Variants in PSMD4 observed in about 807,000 individuals in gnomAD.
PSMD4 encodes proteasome 26S subunit ubiquitin receptor, non-ATPase 4, also known as 26S proteasome non-ATPase regulatory subunit 4.
In PSMD4, 5 loss-of-function variants were observed where a neutral mutation model predicts 39.7. That is an observed-to-expected ratio of 0.13 (90% CI 0.07 to 0.26). The LOEUF (loss-of-function observed/expected upper bound fraction) is 0.26, where lower values mean the gene tolerates loss of function less well. Ranked by LOEUF, PSMD4 falls within the 10% of genes least tolerant of loss-of-function variation. The probability of loss-of-function intolerance (pLI) is 1.00; values close to 1 mark genes in which losing one functional copy is unlikely to be tolerated. For missense variants in PSMD4, 272 were observed against 486.1 expected, an observed-to-expected ratio of 0.56 and a Z score of 4.14; for synonymous variants, 143 against 174.6, an observed-to-expected ratio of 0.82 and a Z score of 1.43.
chr1:151,260,995 G>A (rs587723783), intron 1 of PSMD4, among the ~76,000 whole-genome samples: 7 of 151,578 alleles, frequency 4.6e-5, no homozygotes, highest in Admixed American at 3.3e-4. Flanking sequence ...ACAAGTGTGC[G>A]CCACCATACC....
At chr1:151,258,049 GT>G (rs1261819757) in intron 1 of PSMD4, among the ~76,000 whole-genome samples, 4 of 151,338 alleles carry the variant, frequency 2.6e-5, no homozygotes, top group Non-Finnish European at 4.4e-5. Flanking sequence ...TTGAGATGGA[GT>G]CTCGCTTTTG....
intron 1 of PSMD4, among the ~76,000 whole-genome samples, chr1:151,256,599 C>A (rs1693177560): frequency 6.6e-6 from 1 of 150,532 alleles, no homozygotes; most frequent in Non-Finnish European, 1.5e-5. Flanking sequence ...CCACCACGCC[C>A]AGCTTTTTTG....
At chr1:151,264,624 G>A (rs912896581) in intron 3 of PSMD4, among the ~76,000 whole-genome samples, 3 of 151,212 alleles carry the variant, frequency 2.0e-5, no homozygotes, top group Admixed American at 6.6e-5. Context: ...AAAAAAAAAA[G>A]AGAGAAAGAG....
chr1:151,262,242 T>C lies in PSMD4; in HGVS notation c.108T>C (p.Val36=), dbSNP rs765448205. 1 of 1,614,156 alleles carries C rather than the reference T, an allele frequency of 6.2e-7. No individual in the cohort carries two copies. Among genetic ancestry groups the C allele is most frequent in the South Asian group, 1.1e-5 (1 of 91,076 alleles). The part of the protein sequence containing the change: ...LQAQQDAVNI[V]CHSKTRSNPE... ...CCCAGCAGGATGCTGTCAACATAGT[T>C]TGTCATTCAAAGACCCGCAGCAACC... The change falls in exon 2 of 10, where the codon GTT becomes GTC. Residue 36 remains valine (V), a synonymous_variant. Transcript: ENST00000368884.
intron 1 of PSMD4, among the ~76,000 whole-genome samples, chr1:151,260,405 A>T (rs773362005): frequency 3.3e-5 from 5 of 152,156 alleles, no homozygotes; most frequent in Admixed American, 6.6e-5. Flanking sequence ...CATTAGCTGG[A>T]TACTTTTAGA....
chr1:151,267,223 C>A lies in PSMD4; in HGVS notation c.1014C>A (p.Val338=). ...AGGACCCCGAGTTCCTTCAGAGTGTCCTAGAGAACCTCCCAGGTGTGGATC... is the reference window on the plus strand; with the variant it reads ...AGGACCCCGAGTTCCTTCAGAGTGTACTAGAGAACCTCCCAGGTGTGGATC... The part of the protein sequence containing the change: ...VMQDPEFLQS[V]LENLPGVDPN... Residue 338 remains valine (V), a synonymous_variant, in exon 10 of 10, where the codon GTC becomes GTA. Transcript: ENST00000368884. 6.2e-7 allele frequency: 1 copy of A among 1,613,914 alleles called. No individual in the cohort carries two copies. The highest frequency in any genetic ancestry group is 1.3e-5 in the African/African-American group (1 of 75,016).
intron 2 of PSMD4, among the ~76,000 whole-genome samples, chr1:151,263,441 T>C (rs1693355358): frequency 1.3e-5 from 2 of 151,726 alleles, no homozygotes; most frequent in African/African-American, 4.8e-5. Context: ...CCAGCCTGGG[T>C]GACAGAGCGA....
intron 1 of PSMD4, among the ~76,000 whole-genome samples, chr1:151,261,647 T>G (rs1167666337): frequency 6.6e-6 from 1 of 152,130 alleles, no homozygotes. Flanking sequence ...AGAATCATTT[T>G]GTAAGGATTT....
intron 2 of PSMD4, chr1:151,263,014 C>G (rs1693347378): frequency 6.6e-6 from 1 of 152,132 alleles, no homozygotes; most frequent in Non-Finnish European, 1.5e-5. Context: ...AGGAGAGATA[C>G]AAATTAGCAT....
chr1:151,266,509 C>A lies in PSMD4; in HGVS notation c.896-11C>A, dbSNP rs1693453752. On this transcript the variant is annotated splice_polypyrimidine_tract_variant and intron_variant, in intron 8 of 9. Coordinates refer to ENST00000368884, the MANE Select transcript of PSMD4 (RefSeq NM_002810.4). ...GAAGTGTAACTGAACAGACTGACCT[C>A]TCTTCCTCAGAGTTTGGCCAGGCGG... 6.2e-7 allele frequency: 1 copy of A among 1,614,112 alleles called. No individual in the cohort carries two copies. Among genetic ancestry groups the A allele is most frequent in the African/African-American group, 1.3e-5 (1 of 74,934 alleles).
intron 1 of PSMD4, among the ~76,000 whole-genome samples, chr1:151,261,884 G>T (rs1312009726): frequency 2.0e-5 from 3 of 151,556 alleles, no homozygotes; most frequent in African/African-American, 7.3e-5. Context: ...GAGCCCAGGA[G>T]GTGGAAGCTG....
intron 1 of PSMD4, among the ~76,000 whole-genome samples, chr1:151,256,354 AAATAAT>A (rs764746368): frequency 0.033 from 1,468 of 44,900 alleles, 78 homozygotes; most frequent in Non-Finnish European, 0.05. Flanking sequence ...AAAAAAAAAA[AAATAAT>A]AATAAAATAA....
intron 9 of PSMD4, 91 bp from the exon 10 acceptor site, chr1:151,267,082 G>T (rs929673672): frequency 6.8e-7 from 1 of 1,460,510 alleles, no homozygotes; most frequent in Non-Finnish European, 9.6e-7. Context: ...GAAGGCAGGG[G>T]GCCTCTGGCA....
intron 1 of PSMD4, among the ~76,000 whole-genome samples, chr1:151,255,763 C>G (rs1029152029): frequency 6.6e-6 from 1 of 152,006 alleles, no homozygotes; most frequent in Non-Finnish European, 1.5e-5. Flanking sequence ...CTCGCTCTGT[C>G]TCCCGGACTG....
Position 151,263,902 on chromosome 1 carries a change from C to T in PSMD4, c.168-12C>T. 6.5e-7 allele frequency: 1 copy of T among 1,539,374 alleles called. No individual in the cohort carries two copies. Among genetic ancestry groups the T allele is most frequent in the Non-Finnish European group, 8.8e-7 (1 of 1,131,052 alleles). On this transcript the variant is annotated splice_polypyrimidine_tract_variant and intron_variant, in intron 2 of 9. Coordinates refer to ENST00000368884, the MANE Select transcript of PSMD4 (RefSeq NM_002810.4). ...GACCTGAATTCACTGAAATGCTTTT[C>T]CTACATCCCAGTGACTGTGAAGTGC...
chr1:151,256,569 A>T (rs767355671), intron 1 of PSMD4, among the ~76,000 whole-genome samples: 1 of 132,228 alleles, frequency 7.6e-6, no homozygotes, highest in Non-Finnish European at 1.6e-5. Flanking sequence ...CTCCTGAGTA[A>T]CTGGGATTAC....
rs146444512 is a variant in PSMD4 at position 151,262,290 on chromosome 1, C to T, written c.156C>T (p.Ile52=). ...ACCCTGAGAACAACGTGGGCCTTATCACACTGGCTAAGTATGGGGGACAGA... is the reference window on the plus strand; with the variant it reads ...ACCCTGAGAACAACGTGGGCCTTATTACACTGGCTAAGTATGGGGGACAGA... ...RSNPENNVGL[I]TLANDCEVLT... Residue 52 remains isoleucine, a synonymous_variant, in exon 2 of 10, where the codon ATC becomes ATT. Coordinates refer to ENST00000368884, the MANE Select transcript of PSMD4 (RefSeq NM_002810.4). 6 of 1,614,182 alleles carry T rather than the reference C, an allele frequency of 3.7e-6. No homozygotes were observed. The highest frequency in any genetic ancestry group is 3.3e-5 in the Admixed American group (2 of 60,006).
chr1:151,259,004 A>T (rs1482829803), intron 1 of PSMD4: 1 of 152,182 alleles, frequency 6.6e-6, no homozygotes, highest in East Asian at 1.9e-4. Context: ...ATCAGAGGTC[A>T]GGAGCTCAAG....
At chr1:151,266,773 T>C in intron 9 of PSMD4, 186 bp downstream of exon 9, 1 of 822,828 alleles carries the variant, frequency 1.2e-6, no homozygotes, top group Non-Finnish European at 2.0e-6. Flanking sequence ...TGGAGAAATG[T>C]CCTCTTGTTC....
Sources: gnomAD v4.1 joint callset for allele counts (sites outside exome capture counted in the v4.1 genomes callset) on GRCh38, gnomAD v4.1.1 for gene constraint, MANE v1.5 for transcripts, NCBI Gene and HGNC (gene_info 2026-07-23, HGNC 2026-07-21) for gene names.